Variants in NAT10 observed in about 807,000 individuals in gnomAD.
The protein encoded by NAT10 is RNA cytidine acetyltransferase.
In NAT10, 109 loss-of-function variants were observed where a neutral mutation model predicts 132.2. That is an observed-to-expected ratio of 0.82 (90% CI 0.71 to 0.97). The LOEUF (loss-of-function observed/expected upper bound fraction) is 0.97. NAT10 is among the 50% of genes least tolerant of loss of function. NAT10 has a pLI of 0.00. For missense variants in NAT10, 1,184 were observed against 1,263.4 expected (o/e 0.94, Z 0.95); for synonymous variants, 479 against 478.0 (o/e 1.00, Z -0.03).
In NAT10 at chr11:34,142,259, G is replaced by A; in HGVS notation, c.2812-16G>A. 6.2e-7 allele frequency: 1 copy of A among 1,612,940 alleles called. No individual in the cohort carries two copies. The highest frequency in any genetic ancestry group is 8.5e-7 in the Non-Finnish European group (1 of 1,178,990). On this transcript the variant is annotated splice_polypyrimidine_tract_variant and intron_variant, in intron 26 of 28. Transcript: ENST00000257829. ...CTTGACTCTGACTTAGTCTCTTTAT[G>A]GGTCCTTAACCACAGGATGAAGCAG...
rs1304056596 is a variant in NAT10, at chr11:34,127,662, T to A, written c.1244+63T>A. On this transcript the variant is annotated intron_variant, in intron 12 of 28. Transcript: ENST00000257829. ...AGGCTCTTGCAGATTTAGGGGCATG[T>A]AGTGGATGTGGCCTGGGCCTGGACA... 3.2e-6 allele frequency: 5 copies of A among 1,546,600 alleles called. No individual in the cohort carries two copies. The Middle Eastern group carries it at 6.5e-4, about 202-fold the overall frequency.
intron 9 of NAT10, 130 bp from the exon 10 acceptor site, chr11:34,123,632 C>CT: frequency 1.5e-6 from 1 of 646,688 alleles, no homozygotes; most frequent in Non-Finnish European, 2.6e-6. Flanking sequence ...GGTGTCCTGA[C>CT]TTTTTCCCTT....
intron 10 of NAT10, among the ~76,000 whole-genome samples, 169 bp from the exon 11 acceptor site, chr11:34,124,133 C>T (rs765383156): frequency 6.6e-5 from 10 of 152,000 alleles, no homozygotes; most frequent in African/African-American, 9.7e-5. Flanking sequence ...CACGCCACTG[C>T]ACTCCAGCCT....
At chr11:34,117,208 A>C (rs571293040) in intron 6 of NAT10, among the ~76,000 whole-genome samples, 15,499 of 152,184 alleles carry the variant, frequency 0.1, 842 homozygotes, top group African/African-American at 0.15. Flanking sequence ...TATTTTACCA[A>C]AAAAATTTAT....
At chr11:34,138,851 G>A (rs950813522) in intron 21 of NAT10, 11 of 247,282 alleles carry the variant, frequency 4.4e-5, no homozygotes, top group Non-Finnish European at 7.2e-5. Context: ...AAGCCCTAAT[G>A]ACTGAGTTCA....
intron 27 of NAT10, 98 bp downstream of exon 27, chr11:34,142,446 G>T (rs1852353562): frequency 9.5e-7 from 1 of 1,047,828 alleles, no homozygotes; most frequent in South Asian, 1.4e-5. Context: ...GCCCTGGAAA[G>T]TGTCTTTCAT....
rs139800295 is a variant in NAT10, at chr11:34,123,811, C to T, written c.964C>T (p.Leu322=). Residue 322 remains leucine, a synonymous_variant, in exon 10 of 29, where the codon CTG becomes TTG. Transcript: ENST00000257829. ...CCCAAGCCCTGATAACCTCCATACTCTGTTTGAATTTGTATTTAAAGGATT... is the reference window on the plus strand; with the variant it reads ...CCCAAGCCCTGATAACCTCCATACTTTGTTTGAATTTGTATTTAAAGGATT... ...TSPSPDNLHT[L]FEFVFKGFDA... is the part of the protein sequence containing the mutation. 3.1e-6 allele frequency: 5 copies of T among 1,611,794 alleles called. No individual in the cohort carries two copies. The highest frequency in any genetic ancestry group is 4.2e-6 in the Non-Finnish European group (5 of 1,177,862).
chr11:34,124,229 C>A, intron 10 of NAT10, 73 bp from the exon 11 acceptor site: 1 of 974,824 alleles, frequency 1.0e-6, no homozygotes, highest in Non-Finnish European at 1.6e-6. Flanking sequence ...CTTTAGAATA[C>A]TTGCTTACTT....
At chr11:34,135,425 C>A (rs1263710085) in intron 19 of NAT10, 134 bp downstream of exon 19, 2 of 693,060 alleles carry the variant, frequency 2.9e-6, no homozygotes, top group East Asian at 2.6e-5. Flanking sequence ...TTTCTCCTAC[C>A]GAACACTTTA....
intron 12 of NAT10, among the ~76,000 whole-genome samples, chr11:34,128,744 G>A (rs1157343829): frequency 1.3e-5 from 2 of 152,122 alleles, no homozygotes; most frequent in Non-Finnish European, 2.9e-5. Context: ...ATGGTTTTTA[G>A]TATGTTCACA....
rs757873953 is a variant in NAT10, at chr11:34,143,456, G to T, written c.2897G>T (p.Arg966Leu). Residue 966 changes from arginine to leucine, a missense_variant, in exon 28 of 29, where the codon CGT (arginine) becomes CTT (leucine). Coordinates refer to ENST00000257829, the MANE Select transcript of NAT10 (RefSeq NM_024662.3). ...CTTCTTTTTTTTAGATACATAATCC[G>T]TGGGGACGATGAAGAGTGGAATGAA... ...KSMDLSEYII[R>L]GDDEEWNEVL... 1.2e-6 allele frequency: 2 copies of T among 1,613,596 alleles called. No homozygotes were observed. The highest frequency in any genetic ancestry group is 1.7e-5 in the Admixed American group (1 of 59,994).
At chr11:34,142,122 A>G (rs1852345826) in intron 26 of NAT10, 153 bp from the exon 27 acceptor site, 1 of 720,788 alleles carries the variant, frequency 1.4e-6, no homozygotes, top group Admixed American at 2.7e-5. Flanking sequence ...CTACCTTAAA[A>G]TAATCAAAGC....
chr11:34,111,547 G>A (rs1851695930), intron 3 of NAT10, among the ~76,000 whole-genome samples: 2 of 152,128 alleles, frequency 1.3e-5, no homozygotes, highest in Admixed American at 1.3e-4. Flanking sequence ...CCTGTGTCCT[G>A]TATCATTATT....
At chr11:34,124,460 T>C (rs1297364797) in intron 11 of NAT10, 60 bp downstream of exon 11, 1 of 1,240,698 alleles carries the variant, frequency 8.1e-7, no homozygotes, top group Non-Finnish European at 1.2e-6. Flanking sequence ...TTTAACTGGC[T>C]CTAAGATGTT....
chr11:34,126,217 C>A (rs899009573), intron 11 of NAT10, among the ~76,000 whole-genome samples: 4 of 152,166 alleles, frequency 2.6e-5, no homozygotes, highest in Admixed American at 6.5e-5. Flanking sequence ...ACTAAAACAT[C>A]ACAAATACAG....
At chr11:34,116,029 T>C (rs551412030) in intron 6 of NAT10, 145 bp downstream of exon 6, 2 of 733,060 alleles carry the variant, frequency 2.7e-6, no homozygotes, top group Admixed American at 3.0e-5. Flanking sequence ...GCAGCAGCAG[T>C]TGTGAGACTA....
rs1310849684 is a variant in NAT10 at position 34,112,035 on chromosome 11, G to A, written c.201-17G>A. 6.2e-7 allele frequency: 1 copy of A among 1,613,830 alleles called. No individual in the cohort carries two copies. Among genetic ancestry groups the A allele is most frequent in the Admixed American group, 1.7e-5 (1 of 60,000 alleles). ...TGGTTAACTGGCTCTCATGGGATTG[G>A]GGGTGTGTGATTGCAGTCACCGGAA... On this transcript the variant is annotated splice_polypyrimidine_tract_variant and intron_variant, in intron 3 of 28. Transcript: ENST00000257829.
intron 12 of NAT10, among the ~76,000 whole-genome samples, chr11:34,129,187 A>G (rs1476731205): frequency 6.6e-6 from 1 of 152,168 alleles, no homozygotes; most frequent in African/African-American, 2.4e-5. Context: ...GGCTAACTCT[A>G]TGTTAGACCA....
At chr11:34,124,528 T>G (rs985379110) in intron 11 of NAT10, 128 bp downstream of exon 11, 18 of 602,730 alleles carry the variant, frequency 3.0e-5, no homozygotes, top group East Asian at 1.8e-4. Flanking sequence ...AATGGTGGTG[T>G]TGTATGCTAA....
Sources: allele counts gnomAD v4.1 joint callset (sites outside exome capture counted in the v4.1 genomes callset), GRCh38; gene constraint gnomAD v4.1.1; transcripts MANE v1.5; gene names NCBI Gene and HGNC (gene_info 2026-07-23, HGNC 2026-07-21).